NAALADL2: variants seen among roughly 807,000 people sequenced by gnomAD.
NAALADL2 encodes inactive N-acetylated-alpha-linked acidic dipeptidase-like protein 2.
Under a neutral mutation model 87.2 loss-of-function variants are expected in NAALADL2, and 76 were observed. That is an observed-to-expected ratio of 0.87 (90% CI 0.72 to 1.05). NAALADL2 has a LOEUF of 1.05. Ranked by LOEUF, NAALADL2 falls within the 50% of genes least tolerant of loss-of-function variation. NAALADL2 has a pLI of 0.00. For missense variants in NAALADL2, 1,089 were observed against 945.8 expected, an observed-to-expected ratio of 1.15 and a Z score of -1.99; for synonymous variants, 354 against 331.0, an observed-to-expected ratio of 1.07 and a Z score of -0.75.
intron 2 of NAALADL2, among the ~76,000 whole-genome samples, chr3:174,622,811 C>T (rs1355779473): frequency 2.0e-5 from 3 of 152,186 alleles, no homozygotes; most frequent in Admixed American, 1.3e-4. Flanking sequence ...GAGGCCGAGG[C>T]GGGCGAATCA....
At chr3:175,090,817 TTATA>T (rs1341722530) in intron 1 of NAALADL2, among the ~76,000 whole-genome samples, 1 of 151,784 alleles carries the variant, frequency 6.6e-6, no homozygotes, top group Non-Finnish European at 1.5e-5. Context: ...TTCCTTTAGT[TTATA>T]TATCCTATTT....
chr3:175,592,259 T>G (rs1279302931), intron 10 of NAALADL2, among the ~76,000 whole-genome samples: 2 of 152,052 alleles, frequency 1.3e-5, no homozygotes, highest in African/African-American at 4.8e-5. Context: ...AAATCATCAT[T>G]GACTATTTTG....
At chr3:175,360,134 T>C (rs1247365472) in intron 5 of NAALADL2, among the ~76,000 whole-genome samples, 1 of 152,142 alleles carries the variant, frequency 6.6e-6, no homozygotes, top group Non-Finnish European at 1.5e-5. Context: ...AACAAATCAG[T>C]ATTTAGTGTT....
chr3:174,898,435 G>T (rs1731888077), intron 1 of NAALADL2, among the ~76,000 whole-genome samples: 1 of 151,852 alleles, frequency 6.6e-6, no homozygotes, highest in Non-Finnish European at 1.5e-5. Context: ...CTGACTATTT[G>T]ATAGCACAAC....
chr3:175,537,907 T>C (rs1711552018), intron 9 of NAALADL2, among the ~76,000 whole-genome samples: 1 of 152,212 alleles, frequency 6.6e-6, no homozygotes, highest in African/African-American at 2.4e-5. Flanking sequence ...GTAGGTTTCA[T>C]ATGATAAGTT....
rs967373254 is a variant in NAALADL2 at position 175,804,325 on chromosome 3, C to A, written c.*1122C>A. ...CTAAGATGGAAATCTAGAAAATATT[C>A]ATGCTTCTAAGTTTCTGCAGTGTTA... On this transcript the variant is annotated 3_prime_UTR_variant, in exon 14 of 14. Coordinates refer to ENST00000454872, the MANE Select transcript of NAALADL2 (RefSeq NM_207015.3). 6.6e-6 allele frequency: 1 copy of A among 151,756 alleles called. No homozygotes were observed. Among genetic ancestry groups the A allele is most frequent in the Admixed American group, 6.6e-5 (1 of 15,188 alleles). 9.4% of individuals were successfully genotyped at this position (151,756 alleles called of 1,614,324 possible).
At chr3:174,773,352 T>C (rs560780649) in intron 3 of NAALADL2, among the ~76,000 whole-genome samples, 1 of 152,284 alleles carries the variant, frequency 6.6e-6, no homozygotes, top group East Asian at 1.9e-4. Flanking sequence ...AGTGGAAGCC[T>C]AGTGTATAAT....
chr3:174,497,716 A>T (rs189120166), intron 1 of NAALADL2, among the ~76,000 whole-genome samples: 3 of 152,266 alleles, frequency 2.0e-5, no homozygotes, highest in Admixed American at 6.5e-5. Flanking sequence ...GCTGGCGCAG[A>T]CTGACTTAAT....
intron 2 of NAALADL2, among the ~76,000 whole-genome samples, chr3:175,222,092 T>G (rs1743470764): frequency 6.6e-6 from 1 of 152,102 alleles, no homozygotes; most frequent in African/African-American, 2.4e-5. Flanking sequence ...AATATGAGTG[T>G]GAGAATAGGT....
rs536583271 is a variant in NAALADL2 at position 175,170,966 on chromosome 3, A to T, written c.546-62965A>T. The stretch of plus-strand genomic sequence containing the variant: ...CTGCCATCAGAGAGTTATAATACAG[A>T]TTAATTTAGACTTTTTTCTCATTCA... On this transcript the variant is annotated intron_variant, in intron 2 of 13. Coordinates refer to ENST00000454872, the MANE Select transcript of NAALADL2 (RefSeq NM_207015.3). Among the ~76,000 whole-genome samples the T allele has an allele frequency of 4.6e-5, 7 of 152,096 alleles. No individual in the cohort carries two copies. The South Asian group carries it at 1.5e-3, about 32-fold the overall frequency.
intron 1 of NAALADL2, among the ~76,000 whole-genome samples, chr3:175,042,905 A>C (rs1213791402): frequency 2.0e-5 from 3 of 151,588 alleles, no homozygotes. Context: ...GTGAGTGCTC[A>C]CTCTATTAGT....
chr3:175,229,308 A>C (rs557952842), intron 2 of NAALADL2, among the ~76,000 whole-genome samples: 236 of 152,110 alleles, frequency 1.6e-3, no homozygotes, highest in Non-Finnish European at 2.7e-3. Flanking sequence ...AGAAAAAATG[A>C]AGAAAATTGT....
At chr3:174,492,687 T>G (rs1239984438) in intron 1 of NAALADL2, among the ~76,000 whole-genome samples, 2 of 152,212 alleles carry the variant, frequency 1.3e-5, no homozygotes, top group Non-Finnish European at 2.9e-5. Context: ...AGAATGTATA[T>G]TAATTTCTTC....
chr3:175,514,446 C>T (rs1170310208), intron 9 of NAALADL2, among the ~76,000 whole-genome samples: 2 of 152,076 alleles, frequency 1.3e-5, no homozygotes, highest in Non-Finnish European at 2.9e-5. Flanking sequence ...TTTATGAGTA[C>T]AAAAGACATT....
At chr3:175,800,131 G>A (rs377515331) in intron 13 of NAALADL2, among the ~76,000 whole-genome samples, 7 of 152,256 alleles carry the variant, frequency 4.6e-5, no homozygotes, top group Admixed American at 2.0e-4. Flanking sequence ...CCCAGGCCAG[G>A]TGACCACAAT....
intron 12 of NAALADL2, among the ~76,000 whole-genome samples, chr3:175,741,226 C>T (rs534934920): frequency 1.5e-4 from 23 of 152,256 alleles, no homozygotes; most frequent in Non-Finnish European, 3.2e-4. Flanking sequence ...TCAGCAGTTT[C>T]GCTGTTTGGT....
intron 3 of NAALADL2, among the ~76,000 whole-genome samples, chr3:175,253,852 A>G (rs1306733037): frequency 6.6e-6 from 1 of 152,164 alleles, no homozygotes; most frequent in African/African-American, 2.4e-5. Context: ...CTAGAATTTG[A>G]AGTTGAACCT....
chr3:175,065,993 G>A (rs1714467502), intron 1 of NAALADL2, among the ~76,000 whole-genome samples: 1 of 152,160 alleles, frequency 6.6e-6, no homozygotes, highest in Non-Finnish European at 1.5e-5. Flanking sequence ...GTGAAAGGAT[G>A]TATAACGGGA....
At chr3:175,216,311 TA>T (rs1742513635) in intron 2 of NAALADL2, among the ~76,000 whole-genome samples, 1 of 152,202 alleles carries the variant, frequency 6.6e-6, no homozygotes, top group South Asian at 2.1e-4. Flanking sequence ...CTCTTTAGCC[TA>T]ATTTTTGGTT....
Sources: allele counts gnomAD v4.1 joint callset (sites outside exome capture counted in the v4.1 genomes callset), GRCh38; gene constraint gnomAD v4.1.1; transcripts MANE v1.5; gene names NCBI Gene and HGNC (gene_info 2026-07-23, HGNC 2026-07-21).